KCNIP4: variants seen among roughly 807,000 people sequenced by gnomAD.
KCNIP4 encodes potassium voltage-gated channel interacting protein 4.
In KCNIP4, 12 loss-of-function variants were observed where a neutral mutation model predicts 34.0. That is an observed-to-expected ratio of 0.35 (90% confidence interval 0.23 to 0.57). The LOEUF is 0.57. Ranked by LOEUF, KCNIP4 falls within the 20% of genes least tolerant of loss-of-function variation. KCNIP4 has a pLI of 0.83. For synonymous variants in KCNIP4, 124 were observed against 102.2 expected, an observed-to-expected ratio of 1.21 and a Z score of -1.29; for missense variants, 238 against 311.7, an observed-to-expected ratio of 0.76 and a Z score of 1.78.
chr4:21,668,940 C>T (rs954633104), intron 1 of KCNIP4, among the ~76,000 whole-genome samples: 1 of 152,094 alleles, frequency 6.6e-6, no homozygotes, highest in African/African-American at 2.4e-5. Context: ...CTGCCTCTCC[C>T]GTCTCTCCTT....
intron 1 of KCNIP4, among the ~76,000 whole-genome samples, chr4:21,713,052 A>G (rs1713869479): frequency 6.6e-6 from 1 of 152,132 alleles, no homozygotes; most frequent in Non-Finnish European, 1.5e-5. Context: ...TTTCCAGGCC[A>G]GCTCTTTCAC....
intron 7 of KCNIP4, 146 bp from the exon 8 acceptor site, chr4:20,732,214 G>A: frequency 1.6e-6 from 1 of 620,756 alleles, no homozygotes; most frequent in Non-Finnish European, 2.8e-6. Flanking sequence ...GGAACCAGCA[G>A]TTTTTTAGAG....
At chr4:21,508,148 C>T (rs1250376781) in intron 1 of KCNIP4, among the ~76,000 whole-genome samples, 1 of 152,162 alleles carries the variant, frequency 6.6e-6, no homozygotes, top group East Asian at 1.9e-4. Flanking sequence ...CAAAAACTAA[C>T]TAGGAACAAT....
chr4:20,749,531 C>T (rs1753192346), intron 5 of KCNIP4, 131 bp downstream of exon 5: 2 of 545,920 alleles, frequency 3.7e-6, no homozygotes, highest in Admixed American at 3.3e-5. Context: ...TTGGCAATTA[C>T]ATGAGAGAAA....
intron 1 of KCNIP4, among the ~76,000 whole-genome samples, chr4:21,570,650 G>A (rs1740293679): frequency 6.6e-6 from 1 of 152,078 alleles, no homozygotes; most frequent in Admixed American, 6.6e-5. Flanking sequence ...TTGAAAATGA[G>A]TCTGAAGCAT....
intron 1 of KCNIP4, among the ~76,000 whole-genome samples, chr4:21,219,383 G>T (rs1416031358): frequency 6.6e-6 from 1 of 152,140 alleles, no homozygotes; most frequent in Non-Finnish European, 1.5e-5. Flanking sequence ...GGGTGTGTGT[G>T]TTTGCCAAAT....
chr4:20,979,044 A>C, intron 1 of KCNIP4, among the ~76,000 whole-genome samples: 1 of 152,178 alleles, frequency 6.6e-6, no homozygotes. Flanking sequence ...CAAAATAAAA[A>C]GTTTACAATA....
At chr4:20,889,637 T>C (rs1725695338) in intron 1 of KCNIP4, among the ~76,000 whole-genome samples, 1 of 152,092 alleles carries the variant, frequency 6.6e-6, no homozygotes, top group African/African-American at 2.4e-5. Context: ...ATTGGCCTGC[T>C]TGGCCCTAAA....
intron 1 of KCNIP4, among the ~76,000 whole-genome samples, chr4:21,886,956 AAC>A (rs1457790433): frequency 6.6e-6 from 1 of 152,174 alleles, no homozygotes; most frequent in Non-Finnish European, 1.5e-5. Flanking sequence ...GATGAAATCA[AAC>A]AGTCAGGAAT....
At chr4:20,868,915 A>G (rs1434433169) in intron 2 of KCNIP4, among the ~76,000 whole-genome samples, 2 of 152,126 alleles carry the variant, frequency 1.3e-5, no homozygotes, top group Non-Finnish European at 2.9e-5. Flanking sequence ...AAACCTCAGC[A>G]TAATGCAATA....
chr4:21,933,135 A>G (rs192333108), intron 1 of KCNIP4, among the ~76,000 whole-genome samples: 6 of 152,012 alleles, frequency 3.9e-5, no homozygotes, highest in Admixed American at 6.6e-5. Flanking sequence ...GTACAAATAC[A>G]TGATCTACAG....
At chr4:21,125,703 A>C (rs55913471) in intron 1 of KCNIP4, among the ~76,000 whole-genome samples, 25,141 of 152,086 alleles carry the variant, frequency 0.17, 2,401 homozygotes, top group East Asian at 0.22. Flanking sequence ...TTGGACTCTG[A>C]ATGTCTCTGT....
At chr4:21,126,585 C>A in intron 1 of KCNIP4, among the ~76,000 whole-genome samples, 2 of 113,542 alleles carry the variant, frequency 1.8e-5, no homozygotes, top group African/African-American at 3.7e-5. Flanking sequence ...GAATATTTAT[C>A]AATATCAACT....
chr4:21,287,782 T>C (rs1473401074), intron 1 of KCNIP4, among the ~76,000 whole-genome samples: 1 of 152,180 alleles, frequency 6.6e-6, no homozygotes, highest in African/African-American at 2.4e-5. Flanking sequence ...ATGTTATTTT[T>C]GCCTTCTTTA....
At position 20,732,603 on chromosome 4, in the gene KCNIP4, A is replaced by T. The variant is rs548701415; in HGVS notation, c.642+78T>A. The T allele has an allele frequency of 1.3e-4, 109 of 863,450 alleles. No homozygotes were observed. The African/African-American group carries it at 1.7e-3, about 13-fold the overall frequency. The allele number at this position is 863,450 out of a possible 1,614,324, so 53.5% of individuals were successfully genotyped here. A position where few individuals can be genotyped will look rare whatever the true frequency, so the allele number is the denominator to read the frequency against. Reference sequence around the variant, plus strand: ...AATTATTTTCCTTTGCTCTCTTTTGAATCATCGTGGTGCATGGCAAACATC... The same window carrying T: ...AATTATTTTCCTTTGCTCTCTTTTGTATCATCGTGGTGCATGGCAAACATC... On this transcript the variant is annotated intron_variant, in intron 7 of 8. Coordinates refer to ENST00000382152, the MANE Select transcript of KCNIP4 (RefSeq NM_025221.6).
intron 1 of KCNIP4, among the ~76,000 whole-genome samples, chr4:20,985,658 G>A (rs991825027): frequency 4.6e-5 from 7 of 152,124 alleles, no homozygotes; most frequent in Non-Finnish European, 1.5e-5. Context: ...TCTTTTGGGG[G>A]CTTATAGTTT....
intron 1 of KCNIP4, among the ~76,000 whole-genome samples, chr4:21,234,215 T>TAACA (rs1759104669): frequency 4.8e-5 from 5 of 104,918 alleles, no homozygotes; most frequent in African/African-American, 2.0e-4. Flanking sequence ...ATAACGTATA[T>TAACA]TATATATAAC....
At chr4:21,108,985 G>A (rs1269603580) in intron 1 of KCNIP4, among the ~76,000 whole-genome samples, 10 of 152,138 alleles carry the variant, frequency 6.6e-5, no homozygotes, top group South Asian at 2.1e-4. Context: ...GTACCCAGCC[G>A]TGTGAGGTGT....
At chr4:21,133,876 A>G (rs1409858865) in intron 1 of KCNIP4, among the ~76,000 whole-genome samples, 2 of 152,202 alleles carry the variant, frequency 1.3e-5, no homozygotes, top group Non-Finnish European at 2.9e-5. Flanking sequence ...GTTTTGCTTC[A>G]TGGAGTAGAC....
Sources: allele counts gnomAD v4.1 joint callset (sites outside exome capture counted in the v4.1 genomes callset), GRCh38; gene constraint gnomAD v4.1.1; transcripts MANE v1.5; gene names NCBI Gene and HGNC (gene_info 2026-07-23, HGNC 2026-07-21).